Variants in CYRIB observed in about 807,000 individuals in gnomAD.
The protein encoded by CYRIB is CYFIP-related Rac1 interactor B.
In CYRIB, 8 loss-of-function variants were observed where a neutral mutation model predicts 44.2. The ratio of observed to expected loss-of-function variants is 0.18; its 90% CI spans 0.11 to 0.33. CYRIB has a LOEUF of 0.33. Ranked by LOEUF, CYRIB falls within the 10% of genes least tolerant of loss-of-function variation. The pLI is 1.00. For missense variants in CYRIB, 185 were observed against 382.8 expected, an observed-to-expected ratio of 0.48 and a Z score of 4.31; for synonymous variants, 131 against 127.2, an observed-to-expected ratio of 1.03 and a Z score of -0.20.
chr8:129,924,035 C>G (rs1400080796), intron 1 of CYRIB, among the ~76,000 whole-genome samples: 1 of 147,004 alleles, frequency 6.8e-6, no homozygotes, highest in East Asian at 2.0e-4. Flanking sequence ...CTTTGCAAGG[C>G]TGAGGCAGGA....
At chr8:129,849,440 G>C in intron 9 of CYRIB, 71 bp from the exon 12 acceptor site, 2 of 1,397,986 alleles carry the variant, frequency 1.4e-6, no homozygotes, top group Non-Finnish European at 1.9e-6. Context: ...ACACACACAA[G>C]AAAAACCTCT....
intron 1 of CYRIB, among the ~76,000 whole-genome samples, chr8:129,906,857 C>G (rs564149662): frequency 2.6e-5 from 4 of 152,322 alleles, no homozygotes; most frequent in South Asian, 2.1e-4. Flanking sequence ...AAATGCTCAT[C>G]ATCACTGGCC....
intron 1 of CYRIB, among the ~76,000 whole-genome samples, chr8:129,990,092 G>C (rs1030043677): frequency 6.6e-5 from 10 of 152,074 alleles, no homozygotes; most frequent in African/African-American, 9.7e-5. Context: ...CTCAGTTTTA[G>C]AGCACTTCCC....
At chr8:129,995,100 G>A (rs1012865545) in intron 1 of CYRIB, among the ~76,000 whole-genome samples, 1 of 152,222 alleles carries the variant, frequency 6.6e-6, no homozygotes, top group African/African-American at 2.4e-5. Context: ...AGGAAGGTGG[G>A]TGGAATGTTG....
chr8:129,909,474 T>C (rs1448106884), intron 1 of CYRIB, among the ~76,000 whole-genome samples: 5 of 152,204 alleles, frequency 3.3e-5, no homozygotes, highest in Non-Finnish European at 7.3e-5. Flanking sequence ...CTTTTTATCA[T>C]TCACATCATG....
At chr8:129,979,029 T>C (rs1482475806) in intron 1 of CYRIB, among the ~76,000 whole-genome samples, 3 of 151,908 alleles carry the variant, frequency 2.0e-5, no homozygotes, top group Admixed American at 6.6e-5. Context: ...TAATCCCAGC[T>C]ACTCAGGAGG....
At chr8:129,956,714 C>G (rs549167493) in intron 2 of CYRIB, among the ~76,000 whole-genome samples, 8 of 152,214 alleles carry the variant, frequency 5.3e-5, no homozygotes, top group Middle Eastern at 3.4e-3. Flanking sequence ...AGCCCAGAAG[C>G]CCTGTTTTTC....
chr8:129,916,562 G>A lies in CYRIB; in HGVS notation c.-49-13212C>T, dbSNP rs115110011. Among the ~76,000 whole-genome samples, 443 of 152,274 alleles carry A rather than the reference G, an allele frequency of 2.9e-3. 2 individuals carry two copies. The highest frequency in any genetic ancestry group is 0.01 in the African/African-American group (425 of 41,574). ...CCCCTAACAGCCTATGCCCATTCCAGTACTGAAATCTGTTTCCTCCTAAAA... is the reference window on the plus strand; with the variant it reads ...CCCCTAACAGCCTATGCCCATTCCAATACTGAAATCTGTTTCCTCCTAAAA... On this transcript the variant is annotated intron_variant, in intron 1 of 11. Transcript: ENST00000519824.
intron 3 of CYRIB, among the ~76,000 whole-genome samples, 179 bp downstream of exon 5, chr8:129,879,210 A>G (rs535810383): frequency 6.6e-6 from 1 of 152,332 alleles, no homozygotes; most frequent in African/African-American, 2.4e-5. Flanking sequence ...TTATCATCAC[A>G]ATTTAATCTA....
At chr8:129,915,289 G>T (rs190954388) in intron 1 of CYRIB, among the ~76,000 whole-genome samples, 1 of 152,236 alleles carries the variant, frequency 6.6e-6, no homozygotes, top group East Asian at 1.9e-4. Flanking sequence ...CCATATGCTA[G>T]AATACTATTC....
At chr8:129,873,639 T>C (rs746426428) in intron 3 of CYRIB, among the ~76,000 whole-genome samples, 28 of 152,048 alleles carry the variant, frequency 1.8e-4, no homozygotes, top group Admixed American at 2.0e-4. Flanking sequence ...AGCTATTATA[T>C]ATCAAAGGTA....
chr8:129,968,819 T>C (rs1485668602), intron 2 of CYRIB, among the ~76,000 whole-genome samples: 7 of 152,144 alleles, frequency 4.6e-5, no homozygotes, highest in African/African-American at 1.7e-4. Context: ...ATTGAAGTTT[T>C]TCTAGCCCCT....
At chr8:129,929,738 G>A (rs948694134) in intron 1 of CYRIB, among the ~76,000 whole-genome samples, 2 of 151,924 alleles carry the variant, frequency 1.3e-5, no homozygotes, top group Admixed American at 6.6e-5. Flanking sequence ...GCCTTTTAGT[G>A]GAATACTTCT....
intron 1 of CYRIB, among the ~76,000 whole-genome samples, chr8:129,918,949 A>G (rs1255312889): frequency 2.0e-5 from 3 of 152,256 alleles, no homozygotes; most frequent in East Asian, 1.9e-4. Flanking sequence ...AATTTCTCCT[A>G]TTAAAAATTA....
rs1451146898 is a variant in CYRIB, at chr8:129,900,671, T to C, written c.-11+2641A>G. Among the ~76,000 whole-genome samples the C allele has an allele frequency of 3.3e-5, 5 of 152,090 alleles. No individual in the cohort carries two copies. In the South Asian group the frequency reaches 1.0e-3, roughly 32 times the overall value. On this transcript the variant is annotated intron_variant, in intron 2 of 11. Coordinates refer to ENST00000519824, the Ensembl canonical transcript of CYRIB. ...AAAATTTTGGTGTCTCATACTGATA[T>C]TTGGGTTTTGGGAGGGTGTTTTTTT...
chr8:129,852,046 A>G (rs891562331), intron 8 of CYRIB, 116 bp downstream of exon 10: 1 of 547,024 alleles, frequency 1.8e-6, no homozygotes, highest in Admixed American at 3.5e-5. Flanking sequence ...CTCAACACAT[A>G]CATCTGGGAG....
At chr8:129,959,718 TC>T (rs1248898131) in intron 2 of CYRIB, among the ~76,000 whole-genome samples, 1 of 152,162 alleles carries the variant, frequency 6.6e-6, no homozygotes, top group Non-Finnish European at 1.5e-5. Context: ...TCCTTCCCCA[TC>T]AAGAGGCATT....
At chr8:129,937,987 G>A (rs1259303591) in intron 1 of CYRIB, among the ~76,000 whole-genome samples, 1 of 151,714 alleles carries the variant, frequency 6.6e-6, no homozygotes, top group African/African-American at 2.4e-5. Context: ...TTAACACCAA[G>A]CTCCCCAAAA....
intron 5 of CYRIB, among the ~76,000 whole-genome samples, chr8:129,861,404 T>G (rs563351447): frequency 6.6e-6 from 1 of 152,132 alleles, no homozygotes; most frequent in Non-Finnish European, 1.5e-5. Context: ...CTTTAATAAC[T>G]CCCTAGACAA....
Sources: gnomAD v4.1 joint callset for allele counts (sites outside exome capture counted in the v4.1 genomes callset) on GRCh38, gnomAD v4.1.1 for gene constraint, MANE v1.5 for transcripts, NCBI Gene and HGNC (gene_info 2026-07-23, HGNC 2026-07-21) for gene names.